The following DDX42 variants were observed in gnomAD, a reference collection of about 807,000 sequenced individuals.
DDX42 encodes the protein DEAD-box helicase 42.
DDX42 carries 22 observed loss-of-function variants against 101.5 expected under a neutral mutation model. The ratio of observed to expected loss-of-function variants is 0.22; its 90% CI spans 0.15 to 0.31. The LOEUF is 0.31. Among genes scored for constraint, DDX42 ranks in the 10% least tolerant of loss-of-function variants. The pLI is 1.00. For synonymous variants in DDX42, 402 were observed against 401.2 expected (o/e 1.00, Z -0.02); for missense variants, 849 against 1,199.9 (o/e 0.71, Z 4.32).
At chr17:63,796,591 C>T (rs1290702192) in intron 3 of DDX42, among the ~76,000 whole-genome samples, 8 of 152,226 alleles carry the variant, frequency 5.3e-5, no homozygotes, top group Non-Finnish European at 8.8e-5. Flanking sequence ...GCTGGGATTA[C>T]GGGCGTGAGC....
At chr17:63,812,578 T>G (rs1177728698) in intron 14 of DDX42, among the ~76,000 whole-genome samples, 2 of 152,224 alleles carry the variant, frequency 1.3e-5, no homozygotes, top group African/African-American at 2.4e-5. Flanking sequence ...TTTTGGAATA[T>G]AATTTCTGGA....
intron 6 of DDX42, among the ~76,000 whole-genome samples, chr17:63,801,635 A>G (rs2039771561): frequency 6.8e-6 from 1 of 147,732 alleles, no homozygotes; most frequent in Non-Finnish European, 1.5e-5. Flanking sequence ...GTTCATTTTT[A>G]GTAGAGATGG....
chr17:63,788,287 C>A (rs2039574315), intron 2 of DDX42, among the ~76,000 whole-genome samples: 2 of 148,492 alleles, frequency 1.3e-5, no homozygotes, highest in South Asian at 4.3e-4. Flanking sequence ...GATGGAAATA[C>A]AAGTTTGCTT....
At chr17:63,798,319 C>T (rs2039718590) in intron 4 of DDX42, 2 of 403,096 alleles carry the variant, frequency 5.0e-6, no homozygotes, top group Non-Finnish European at 8.9e-6. Flanking sequence ...AGTATTTGGT[C>T]TTTGACTATA....
At chr17:63,779,211 A>G (rs999825920) in intron 1 of DDX42, among the ~76,000 whole-genome samples, 3 of 152,190 alleles carry the variant, frequency 2.0e-5, no homozygotes, top group African/African-American at 7.2e-5. Flanking sequence ...CTTTTTTAAG[A>G]GAAAAAATAC....
chr17:63,812,860 A>C (rs2039928719), intron 14 of DDX42, among the ~76,000 whole-genome samples: 1 of 152,150 alleles, frequency 6.6e-6, no homozygotes, highest in South Asian at 2.1e-4. Context: ...CCCCGTCTCT[A>C]CTAAAAATAC....
At chr17:63,799,940 A>G (rs188990612) in intron 5 of DDX42, among the ~76,000 whole-genome samples, 51 of 152,320 alleles carry the variant, frequency 3.3e-4, no homozygotes, top group African/African-American at 1.1e-3. Context: ...TGTGGGATCT[A>G]TTGATGGCCT....
intron 10 of DDX42, among the ~76,000 whole-genome samples, chr17:63,809,336 C>G (rs930248074): frequency 2.0e-5 from 3 of 152,200 alleles, no homozygotes; most frequent in Admixed American, 6.5e-5. Context: ...CTTCTGGCCA[C>G]TTTCCCACAG....
At chr17:63,788,152 G>A (rs1160494026) in intron 2 of DDX42, among the ~76,000 whole-genome samples, 2 of 151,632 alleles carry the variant, frequency 1.3e-5, no homozygotes, top group African/African-American at 4.9e-5. Flanking sequence ...TGAACTGCCC[G>A]CCTTGGCCTC....
intron 1 of DDX42, among the ~76,000 whole-genome samples, chr17:63,781,379 G>A (rs147698733): frequency 0.01 from 1,538 of 151,980 alleles, 28 homozygotes; most frequent in African/African-American, 0.035. Context: ...CACCACGTCC[G>A]GCTAATTTTT....
chr17:63,792,844 T>G (rs1567734659), intron 3 of DDX42, among the ~76,000 whole-genome samples: 1 of 152,208 alleles, frequency 6.6e-6, no homozygotes, highest in African/African-American at 2.4e-5. Context: ...AGCATATTCT[T>G]AAATGGAATT....
chr17:63,817,024 G>C (rs2039984978), intron 17 of DDX42, 58 bp downstream of exon 17: 1 of 1,476,224 alleles, frequency 6.8e-7, no homozygotes, highest in African/African-American at 1.4e-5. Context: ...GGCAGTGACA[G>C]AGGGGCTTAG....
At position 63,818,183 on chromosome 17, in the gene DDX42, G is replaced by A. The variant is rs768506423; in HGVS notation, c.2602G>A (p.Ala868Thr). The change falls in exon 18 of 18, where the codon GCA becomes ACA. Residue 868 changes from alanine to threonine, a missense_variant. Coordinates refer to ENST00000389924, the MANE Select transcript of DDX42 (RefSeq NM_203499.3). ...RHGENRHGGS[A>T]GRHGENRGAN... ...CGGGGAGAACAGACATGGAGGAAGC[G>A]CAGGCCGGCATGGGGAGAACCGGGG... 23 of 1,613,864 alleles carry A rather than the reference G, an allele frequency of 1.4e-5. No homozygotes were observed. Among genetic ancestry groups the A allele is most frequent in the Middle Eastern group, 1.6e-4 (1 of 6,084 alleles).
intron 15 of DDX42, 30 bp from the exon 16 acceptor site, chr17:63,815,533 T>C (rs377444462): frequency 1.3e-6 from 2 of 1,535,238 alleles, no homozygotes; most frequent in East Asian, 2.3e-5. Context: ...CTCCCTCCCT[T>C]GACTTAACCT....
chr17:63,791,449 T>A (rs1049468218), intron 2 of DDX42, among the ~76,000 whole-genome samples: 3 of 152,066 alleles, frequency 2.0e-5, no homozygotes, highest in Non-Finnish European at 4.4e-5. Flanking sequence ...GTAGCTGGGA[T>A]TACGGGCATG....
At chr17:63,782,526 C>T (rs2039501240) in intron 1 of DDX42, among the ~76,000 whole-genome samples, 1 of 152,156 alleles carries the variant, frequency 6.6e-6, no homozygotes, top group Non-Finnish European at 1.5e-5. Context: ...AGTGGCTCCA[C>T]AGTTCACCCA....
Position 63,817,686 on chromosome 17 carries a change from T to A in DDX42, c.2113-8T>A. The A allele has an allele frequency of 2.5e-6, 4 of 1,610,496 alleles. No individual in the cohort carries two copies. Among genetic ancestry groups the A allele is most frequent in the Non-Finnish European group, 3.4e-6 (4 of 1,177,114 alleles). ...CTTACCTACTCCTGATGTCTCTTTC[T>A]CTTTCAGTCACAGTACAAGAGTCAC... is the stretch of plus-strand genomic sequence containing the variant. On this transcript the variant is annotated splice_region_variant and splice_polypyrimidine_tract_variant and intron_variant, in intron 17 of 17. Coordinates refer to ENST00000389924, the MANE Select transcript of DDX42 (RefSeq NM_203499.3).
chr17:63,798,097 A>C lies in DDX42; in HGVS notation c.432A>C (p.Val144=). ...LEEKDKERKN[V]KGIRDDIEEE... is the part of the protein sequence containing the mutation. ...AAAAGGACAAGGAAAGAAAAAACGT[A>C]AAGTAAGTTGTTTTCTTCTCCCTCA... The change falls in exon 4 of 18, where the codon GTA becomes GTC. Residue 144 remains valine (V), a splice_region_variant and synonymous_variant. Coordinates refer to ENST00000389924, the MANE Select transcript of DDX42 (RefSeq NM_203499.3). The C allele has an allele frequency of 1.2e-6, 2 of 1,613,418 alleles. No individual in the cohort carries two copies. The highest frequency in any genetic ancestry group is 1.7e-6 in the Non-Finnish European group (2 of 1,179,692).
At chr17:63,815,475 T>A in intron 15 of DDX42, 88 bp from the exon 16 acceptor site, 1 of 961,088 alleles carries the variant, frequency 1.0e-6, no homozygotes, top group Non-Finnish European at 1.6e-6. Context: ...AAGTTCCCCC[T>A]TCCCACTTAA....
Sources: gnomAD v4.1 joint callset for allele counts (sites outside exome capture counted in the v4.1 genomes callset) on GRCh38, gnomAD v4.1.1 for gene constraint, MANE v1.5 for transcripts, NCBI Gene and HGNC (gene_info 2026-07-23, HGNC 2026-07-21) for gene names.